The following ADGB variants were observed in gnomAD, a reference collection of about 807,000 sequenced individuals.
ADGB encodes androglobin, also known as calpain-7-like protein.
Under a neutral mutation model 210.5 loss-of-function variants are expected in ADGB, and 172 were observed. That is an observed-to-expected ratio of 0.82 (90% CI 0.72 to 0.93). ADGB has a LOEUF of 0.93. ADGB is among the 40% of genes least tolerant of loss of function. The probability of loss-of-function intolerance (pLI) is 0.00; values close to 1 mark genes in which losing one functional copy is unlikely to be tolerated. For missense variants in ADGB, 2,025 were observed against 1,964.8 expected (o/e 1.03, Z -0.58); for synonymous variants, 658 against 662.7 (o/e 0.99, Z 0.11).
chr6:146,659,221 G>C (rs1583578244), intron 5 of ADGB, among the ~76,000 whole-genome samples: 1 of 152,030 alleles, frequency 6.6e-6, no homozygotes, highest in South Asian at 2.1e-4. Context: ...ACTTGTACAT[G>C]TCTGTCATTT....
In ADGB at chr6:146,769,099, C is replaced by T; in HGVS notation, c.3830C>T (p.Ala1277Val). ...LTESQLTFVQALKDLKKSNTK... is the reference protein window; with the variant it reads ...LTESQLTFVQVLKDLKKSNTK... ...GAAAGCCAGCTGACATTTGTTCAAG[C>T]ACTGAAAGACTTAAAGAAAAGTAAT... The change falls in exon 29 of 36, where the codon GCA becomes GTA. Residue 1277 changes from alanine to valine, a missense_variant. Coordinates refer to ENST00000397944, the MANE Select transcript of ADGB (RefSeq NM_024694.4). 1 of 1,526,822 alleles carries T rather than the reference C, an allele frequency of 6.5e-7. No homozygotes were observed. The highest frequency in any genetic ancestry group is 8.9e-7 in the Non-Finnish European group (1 of 1,129,594). The allele number at this position is 1,526,822 out of a possible 1,614,324, so 94.6% of individuals were successfully genotyped here. A position where few individuals can be genotyped will look rare whatever the true frequency, so the allele number is the denominator to read the frequency against.
chr6:146,772,915 C>A (rs1020713543), intron 29 of ADGB, among the ~76,000 whole-genome samples: 1 of 151,960 alleles, frequency 6.6e-6, no homozygotes, highest in African/African-American at 2.4e-5. Context: ...GTAGAAGTAG[C>A]GGGAAGGAGA....
chr6:146,736,475 T>C, intron 22 of ADGB, 23 bp from the exon 23 acceptor site: 4 of 1,412,210 alleles, frequency 2.8e-6, no homozygotes, highest in Non-Finnish European at 3.8e-6. Flanking sequence ...CTTAACGTTT[T>C]TATTATTTAT....
chr6:146,636,771 G>A (rs1386494240), intron 2 of ADGB, among the ~76,000 whole-genome samples: 3 of 151,950 alleles, frequency 2.0e-5, no homozygotes, highest in African/African-American at 4.8e-5. Flanking sequence ...CCTTGTGATC[G>A]CATCTGCATG....
At chr6:146,734,283 A>G (rs1209678350) in intron 22 of ADGB, among the ~76,000 whole-genome samples, 1 of 152,198 alleles carries the variant, frequency 6.6e-6, no homozygotes, top group Admixed American at 6.5e-5. Context: ...AAATGAATGC[A>G]TTATCAGCTT....
chr6:146,701,090 T>C lies in ADGB; in HGVS notation c.1707+20T>C. On this transcript the variant is annotated intron_variant, in intron 13 of 35. Coordinates refer to ENST00000397944, the MANE Select transcript of ADGB (RefSeq NM_024694.4). ...TCTCAGGTGACTATGTTACTCTTAC[T>C]GTTGGCCCAACTCTTAATGAGACAA... 1.3e-6 allele frequency: 2 copies of C among 1,548,520 alleles called. No homozygotes were observed. Among genetic ancestry groups the C allele is most frequent in the Non-Finnish European group, 1.7e-6 (2 of 1,145,756 alleles).
At position 146,796,356 on chromosome 6, in the gene ADGB, A is replaced by G. The variant is rs1366727703; in HGVS notation, c.4538-4827A>G. On this transcript the variant is annotated intron_variant, in intron 33 of 35. Transcript: ENST00000397944. ...ACTAGAAAAAACAATCCAAAAATTCATTTGGAACCAAAAAAGAGCCTACAT... is the reference window on the plus strand; with the variant it reads ...ACTAGAAAAAACAATCCAAAAATTCGTTTGGAACCAAAAAAGAGCCTACAT... Among the ~76,000 whole-genome samples, 4 of 152,306 alleles carry G rather than the reference A, an allele frequency of 2.6e-5. No individual in the cohort carries two copies. The East Asian group carries it at 7.7e-4, about 29-fold the overall frequency.
intron 1 of ADGB, among the ~76,000 whole-genome samples, chr6:146,626,517 A>T (rs1780973861): frequency 6.6e-6 from 1 of 151,838 alleles, no homozygotes; most frequent in African/African-American, 2.4e-5. Flanking sequence ...TTTTACTTTT[A>T]ATAGACATTT....
rs547102757 is a variant in ADGB at position 146,646,369 on chromosome 6, C to A, written c.330+1504C>A. 2.6e-5 allele frequency among the ~76,000 whole-genome samples: 4 copies of A among 152,164 alleles called. No individual in the cohort carries two copies. In the South Asian group the frequency reaches 6.2e-4, roughly 24 times the overall value. Reference sequence around the variant, plus strand: ...AGTCAAAAGACTTACAGCCAATTAACCGTTTTAAGCAAGATAGGAATAGAG... The same window carrying A: ...AGTCAAAAGACTTACAGCCAATTAAACGTTTTAAGCAAGATAGGAATAGAG... On this transcript the variant is annotated intron_variant, in intron 3 of 35. Transcript: ENST00000397944.
intron 27 of ADGB, among the ~76,000 whole-genome samples, chr6:146,757,720 T>C (rs1437499497): frequency 1.3e-5 from 2 of 151,740 alleles, no homozygotes; most frequent in African/African-American, 4.8e-5. Context: ...AATTTTTTAC[T>C]TTAAATTTAA....
chr6:146,703,269 AT>A (rs1237657300), intron 13 of ADGB, among the ~76,000 whole-genome samples: 4 of 151,932 alleles, frequency 2.6e-5, no homozygotes, highest in Non-Finnish European at 5.9e-5. Flanking sequence ...TCGATAAAAA[AT>A]ATATGCATTT....
intron 1 of ADGB, among the ~76,000 whole-genome samples, chr6:146,623,599 A>G (rs189403384): frequency 7.2e-5 from 11 of 152,048 alleles, no homozygotes; most frequent in Non-Finnish European, 1.3e-4. Context: ...ATACATGCCA[A>G]TAGATTTTCT....
chr6:146,776,072 G>A (rs143880193), intron 29 of ADGB, among the ~76,000 whole-genome samples: 2 of 152,088 alleles, frequency 1.3e-5, no homozygotes, highest in African/African-American at 4.8e-5. Flanking sequence ...TGGATATATG[G>A]AGGATATTGT....
chr6:146,706,226 G>A (rs1191588976), intron 13 of ADGB, among the ~76,000 whole-genome samples: 3 of 151,510 alleles, frequency 2.0e-5, no homozygotes, highest in African/African-American at 4.8e-5. Flanking sequence ...TGGCCAACAT[G>A]GGACAGTTTT....
intron 35 of ADGB, chr6:146,807,685 T>C: frequency 1.1e-6 from 1 of 943,782 alleles, no homozygotes; most frequent in Non-Finnish European, 1.5e-6. Flanking sequence ...CAACTGAAAA[T>C]AGAAATTGTT....
At chr6:146,779,339 A>G (rs1351216329) in intron 29 of ADGB, among the ~76,000 whole-genome samples, 1 of 152,238 alleles carries the variant, frequency 6.6e-6, no homozygotes, top group Non-Finnish European at 1.5e-5. Context: ...ACACCATCAC[A>G]CATACCAGCA....
intron 27 of ADGB, among the ~76,000 whole-genome samples, chr6:146,760,719 G>A (rs565819093): frequency 5.3e-5 from 8 of 151,756 alleles, no homozygotes; most frequent in Admixed American, 2.0e-4. Flanking sequence ...TTACATTCCC[G>A]ACAAGGTATA....
At chr6:146,629,363 A>G (rs1781026042) in intron 1 of ADGB, among the ~76,000 whole-genome samples, 1 of 152,292 alleles carries the variant, frequency 6.6e-6, no homozygotes, top group African/African-American at 2.4e-5. Flanking sequence ...TTGTGTGTAT[A>G]ACACTGTAGG....
chr6:146,745,923 A>C lies in ADGB; in HGVS notation c.3179A>C (p.Lys1060Thr). 1 of 1,538,928 alleles carries C rather than the reference A, an allele frequency of 6.5e-7. No homozygotes were observed. Among genetic ancestry groups the C allele is most frequent in the Non-Finnish European group, 8.8e-7 (1 of 1,140,292 alleles). Residue 1060 changes from lysine (K) to threonine (T), a missense_variant and splice_region_variant, in exon 26 of 36, where the codon AAG (lysine) becomes ACG (threonine). By Grantham distance (78) the Lys-to-Thr change is moderately conservative (BLOSUM62 -1). Coordinates refer to ENST00000397944, the MANE Select transcript of ADGB (RefSeq NM_024694.4). ...CTGTGTAATTTGTCTTTCTTATAGA[A>C]GGGATACACTTTTGTGGCGGAAGCA... is the stretch of plus-strand genomic sequence containing the variant. ...VVPYLYTKNK[K>T]GYTFVAEAFT...
Sources: allele counts gnomAD v4.1 joint callset (sites outside exome capture counted in the v4.1 genomes callset), GRCh38; gene constraint gnomAD v4.1.1; transcripts MANE v1.5; gene names NCBI Gene and HGNC (gene_info 2026-07-23, HGNC 2026-07-21).